The following POLR3B variants were observed in gnomAD, a reference collection of about 807,000 sequenced individuals.
POLR3B encodes DNA-directed RNA polymerase III subunit RPC2.
Under a neutral mutation model 147.4 loss-of-function variants are expected in POLR3B, and 96 were observed. That is an observed-to-expected ratio of 0.65 (90% CI 0.55 to 0.77). The LOEUF (loss-of-function observed/expected upper bound fraction) is 0.77, where lower values mean the gene tolerates loss of function less well. Among genes scored for constraint, POLR3B ranks in the 30% least tolerant of loss-of-function variants. POLR3B has a pLI of 0.00. For synonymous variants in POLR3B, 461 were observed against 485.9 expected (o/e 0.95, Z 0.67); for missense variants, 1,036 against 1,413.5 (o/e 0.73, Z 4.28).
rs145542203 is a variant in POLR3B at position 106,410,834 on chromosome 12, A to G, written c.975A>G (p.Glu325=). The G allele has an allele frequency of 5.0e-3, 8,099 of 1,613,860 alleles. 44 individuals are homozygous for G. Among genetic ancestry groups the G allele is most frequent in the Non-Finnish European group, 5.0e-3 (5,942 of 1,179,828 alleles). The change falls in exon 12 of 28, where the codon GAA becomes GAG. Residue 325 remains glutamate, a synonymous_variant. Coordinates refer to ENST00000228347, the MANE Select transcript of POLR3B (RefSeq NM_018082.6). ...CAATTTCTGACTTACAGGTTAAGGA[A>G]TTCAATTTCCGAGCCAAATGTATCT... ...STILTHVPVK[E]FNFRAKCIYT...
At chr12:106,507,578 G>A (rs1056172167) in intron 27 of POLR3B, 12 of 248,922 alleles carry the variant, frequency 4.8e-5, no homozygotes, top group South Asian at 2.1e-4. Context: ...TTTTGAACTC[G>A]AATGCATTAA....
At chr12:106,435,181 G>A (rs1417408620) in intron 16 of POLR3B, among the ~76,000 whole-genome samples, 1 of 150,510 alleles carries the variant, frequency 6.6e-6, no homozygotes, top group African/African-American at 2.5e-5. Context: ...AGGCTGCAGT[G>A]CAGTGGTACG....
At chr12:106,428,178 C>T (rs117636678) in intron 13 of POLR3B, among the ~76,000 whole-genome samples, 3 of 152,272 alleles carry the variant, frequency 2.0e-5, no homozygotes, top group Non-Finnish European at 4.4e-5. Context: ...GGCCCAAAGT[C>T]GTCTGAGGTG....
intron 2 of POLR3B, among the ~76,000 whole-genome samples, chr12:106,365,129 C>T (rs1230886072): frequency 4.0e-5 from 6 of 151,752 alleles, no homozygotes; most frequent in Admixed American, 6.6e-5. Flanking sequence ...TGTGAGATTC[C>T]GTCTCAAAAA....
Position 106,363,166 on chromosome 12 carries a change from C to G in POLR3B, c.73-704C>G, listed in dbSNP as rs546428276. On this transcript the variant is annotated intron_variant, in intron 1 of 27. Transcript: ENST00000228347. ...ATTCCATAGGTGATCTCATCCATCA[C>G]GTGCCTTTAATTGCCATCCACTTGT... Among the ~76,000 whole-genome samples the G allele has an allele frequency of 5.9e-5, 9 of 152,310 alleles. No individual in the cohort carries two copies. The East Asian group carries it at 1.7e-3, about 29-fold the overall frequency.
intron 10 of POLR3B, among the ~76,000 whole-genome samples, chr12:106,395,611 A>G (rs1375317897): frequency 6.6e-6 from 1 of 152,200 alleles, no homozygotes; most frequent in Non-Finnish European, 1.5e-5. Context: ...GATCCAAACC[A>G]TATCACACTT....
chr12:106,462,793 C>G (rs1246387323), intron 22 of POLR3B, among the ~76,000 whole-genome samples: 4 of 152,204 alleles, frequency 2.6e-5, no homozygotes, highest in African/African-American at 9.6e-5. Flanking sequence ...GTGACCCACT[C>G]TGGTCAGGTC....
At chr12:106,418,734 C>T (rs2037337560) in intron 12 of POLR3B, among the ~76,000 whole-genome samples, 1 of 152,132 alleles carries the variant, frequency 6.6e-6, no homozygotes, top group African/African-American at 2.4e-5. Flanking sequence ...AGCATTCCTT[C>T]CCTTTTAGTC....
intron 18 of POLR3B, among the ~76,000 whole-genome samples, chr12:106,442,797 G>T (rs1234502910): frequency 6.6e-6 from 1 of 152,040 alleles, no homozygotes; most frequent in Non-Finnish European, 1.5e-5. Context: ...AAAATAGCGG[G>T]TCCACAGAGA....
rs761331642 is a variant in POLR3B at position 106,437,045 on chromosome 12, T to A, written c.1782-12T>A. 18 of 1,609,184 alleles carry A rather than the reference T, an allele frequency of 1.1e-5. No individual in the cohort carries two copies. Among genetic ancestry groups the A allele is most frequent in the Non-Finnish European group, 1.5e-5 (18 of 1,176,176 alleles). On this transcript the variant is annotated splice_polypyrimidine_tract_variant and intron_variant, in intron 16 of 27. Coordinates refer to ENST00000228347, the MANE Select transcript of POLR3B (RefSeq NM_018082.6). Reference sequence around the variant, plus strand: ...GAACTATTATTAATTTGGTTTGCTGTTTCCATTCTAGACCCTACATAATTG... The same window carrying A: ...GAACTATTATTAATTTGGTTTGCTGATTCCATTCTAGACCCTACATAATTG...
chr12:106,374,994 T>C (rs1465704438), intron 6 of POLR3B, among the ~76,000 whole-genome samples: 1 of 152,218 alleles, frequency 6.6e-6, no homozygotes, highest in Non-Finnish European at 1.5e-5. Context: ...TTTTTAGAAA[T>C]TTATTTAGTG....
At chr12:106,486,527 T>C (rs2038342352) in intron 23 of POLR3B, among the ~76,000 whole-genome samples, 1 of 152,122 alleles carries the variant, frequency 6.6e-6, no homozygotes, top group Non-Finnish European at 1.5e-5. Flanking sequence ...AGACACTACC[T>C]TTTCTGAGGA....
At chr12:106,490,804 A>G (rs899042473) in intron 23 of POLR3B, among the ~76,000 whole-genome samples, 1 of 152,260 alleles carries the variant, frequency 6.6e-6, no homozygotes, top group Non-Finnish European at 1.5e-5. Context: ...TACTCAAAGC[A>G]AACCATGTCT....
intron 26 of POLR3B, among the ~76,000 whole-genome samples, chr12:106,502,012 A>C (rs1231922767): frequency 6.6e-6 from 1 of 152,224 alleles, no homozygotes; most frequent in East Asian, 1.9e-4. Flanking sequence ...GGGAAAGAGA[A>C]TTATAGCTAC....
At chr12:106,425,805 T>G (rs528590219) in intron 12 of POLR3B, among the ~76,000 whole-genome samples, 2 of 152,300 alleles carry the variant, frequency 1.3e-5, no homozygotes, top group African/African-American at 2.4e-5. Flanking sequence ...ACTATTTGCA[T>G]CCTAACTTTT....
intron 4 of POLR3B, among the ~76,000 whole-genome samples, chr12:106,368,655 T>G (rs1262625936): frequency 6.6e-6 from 1 of 152,060 alleles, no homozygotes; most frequent in East Asian, 1.9e-4. Flanking sequence ...ATCTTTAGCC[T>G]CTCAATGTCC....
At chr12:106,400,836 G>A (rs2037054280) in intron 10 of POLR3B, among the ~76,000 whole-genome samples, 1 of 152,102 alleles carries the variant, frequency 6.6e-6, no homozygotes, top group Non-Finnish European at 1.5e-5. Flanking sequence ...GTGTGTAGAG[G>A]GAAATTTATA....
At chr12:106,400,863 A>G (rs1470501830) in intron 10 of POLR3B, among the ~76,000 whole-genome samples, 1 of 152,242 alleles carries the variant, frequency 6.6e-6, no homozygotes, top group Non-Finnish European at 1.5e-5. Flanking sequence ...AATGCCCACT[A>G]GAGAAAGCAG....
chr12:106,434,395 G>A (rs116020287), intron 16 of POLR3B, among the ~76,000 whole-genome samples: 2,902 of 152,196 alleles, frequency 0.019, 97 homozygotes, highest in African/African-American at 0.067. Context: ...GGAGGAGTAG[G>A]ATTGTGTTAA....
Sources: allele counts gnomAD v4.1 joint callset (sites outside exome capture counted in the v4.1 genomes callset), GRCh38; gene constraint gnomAD v4.1.1; transcripts MANE v1.5; gene names NCBI Gene and HGNC (gene_info 2026-07-23, HGNC 2026-07-21).